The following POU2AF2 variants were observed in gnomAD, a reference collection of about 807,000 sequenced individuals.
POU2AF2 encodes POU class 2 homeobox associating factor 2.
the POU2AF2 span, among the ~76,000 whole-genome samples, chr11:111,253,146 G>T: frequency 1.3e-5 from 2 of 151,836 alleles, no homozygotes; most frequent in African/African-American, 4.8e-5. Context: ...TTCTTCATAG[G>T]GTTCTCCTCT....
the POU2AF2 span, chr11:111,285,592 A>T: frequency 3.2e-6 from 5 of 1,552,062 alleles, no homozygotes; most frequent in Non-Finnish European, 3.5e-6. Flanking sequence ...CTGGCAGCAC[A>T]CAATGTATCA....
chr11:111,278,202 G>A, the POU2AF2 span, among the ~76,000 whole-genome samples: 2 of 152,140 alleles, frequency 1.3e-5, no homozygotes, highest in African/African-American at 2.4e-5. Context: ...CTAAGTGCTC[G>A]ATGTAATAAT....
chr11:111,274,863 C>T, the POU2AF2 span, among the ~76,000 whole-genome samples: 35 of 152,012 alleles, frequency 2.3e-4, no homozygotes, highest in Non-Finnish European at 3.8e-4. Flanking sequence ...CTAATTCCAC[C>T]GACTACCACC....
the POU2AF2 span, among the ~76,000 whole-genome samples, chr11:111,268,467 C>T: frequency 5.6e-3 from 650 of 115,248 alleles, 16 homozygotes; most frequent in South Asian, 0.022. Flanking sequence ...GTTATTGCTA[C>T]ATTTTTCTTT....
At chr11:111,286,343 G>T in the POU2AF2 span, 1 of 295,188 alleles carries the variant, frequency 3.4e-6, no homozygotes, top group Non-Finnish European at 6.1e-6. Flanking sequence ...TGTTATCTTT[G>T]AAGTATCATT....
the POU2AF2 span, among the ~76,000 whole-genome samples, chr11:111,276,454 A>AAAAAAATATATATATG: frequency 5.2e-5 from 1 of 19,070 alleles, no homozygotes; most frequent in Non-Finnish European, 1.2e-4. Context: ...AAAAAAAAAA[A>AAAAAAATATATATATG]TATATATATA....
chr11:111,281,473 C>T, the POU2AF2 span: 12 of 1,608,544 alleles, frequency 7.5e-6, no homozygotes, highest in Middle Eastern at 1.7e-4. Flanking sequence ...CAATTATTCC[C>T]TTTTGAATTT....
At chr11:111,282,847 C>T in the POU2AF2 span, among the ~76,000 whole-genome samples, 12 of 152,132 alleles carry the variant, frequency 7.9e-5, no homozygotes, top group Non-Finnish European at 2.9e-5. Context: ...CCAGCTGGAA[C>T]AATTAAACCA....
chr11:111,262,102 C>A, the POU2AF2 span, among the ~76,000 whole-genome samples: 1 of 152,180 alleles, frequency 6.6e-6, no homozygotes, highest in Non-Finnish European at 1.5e-5. Context: ...TATTTCACTG[C>A]TAAAATCTCT....
chr11:111,265,202 C>A, the POU2AF2 span, among the ~76,000 whole-genome samples: 21 of 152,080 alleles, frequency 1.4e-4, no homozygotes, highest in Non-Finnish European at 2.4e-4. Context: ...GGTTGGGAGG[C>A]CTGCACAATC....
the POU2AF2 span, chr11:111,256,152 C>T: frequency 7.5e-6 from 3 of 398,772 alleles, no homozygotes; most frequent in Non-Finnish European, 1.3e-5. Context: ...CTCCCTTTAT[C>T]CACACACCAA....
At chr11:111,252,284 A>T in the POU2AF2 span, among the ~76,000 whole-genome samples, 1,193 of 152,202 alleles carry the variant, frequency 7.8e-3, 11 homozygotes, top group South Asian at 0.026. Flanking sequence ...ACTCATATGT[A>T]TATCTGTGGT....
chr11:111,260,849 G>A, the POU2AF2 span, among the ~76,000 whole-genome samples: 16 of 152,152 alleles, frequency 1.1e-4, no homozygotes, highest in African/African-American at 3.6e-4. Context: ...TATGTCCCCC[G>A]CCGGATAGGC....
At chr11:111,246,805 T>C in the POU2AF2 span, among the ~76,000 whole-genome samples, 1 of 152,204 alleles carries the variant, frequency 6.6e-6, no homozygotes, top group Non-Finnish European at 1.5e-5. Context: ...TGTCACTTAG[T>C]TACTTTTTTG....
chr11:111,281,525 C>A, the POU2AF2 span: 2 of 1,418,062 alleles, frequency 1.4e-6, no homozygotes, highest in Non-Finnish European at 2.0e-6. Flanking sequence ...AACGACCTTA[C>A]AACACTTCCA....
At chr11:111,280,057 A>AAATATATATATATATATATAT in the POU2AF2 span, among the ~76,000 whole-genome samples, 23 of 76,466 alleles carry the variant, frequency 3.0e-4, no homozygotes, top group Non-Finnish European at 4.3e-4. Context: ...AAAAAAAAAA[A>AAATATATATATATATATATAT]ATATATATAT....
the POU2AF2 span, among the ~76,000 whole-genome samples, chr11:111,260,335 T>TA: frequency 0.087 from 13,202 of 151,164 alleles, 634 homozygotes; most frequent in Middle Eastern, 0.17. Context: ...TGTAATAGGT[T>TA]AAAAAAAAAT....
chr11:111,258,979 G>T, the POU2AF2 span, among the ~76,000 whole-genome samples: 2 of 152,160 alleles, frequency 1.3e-5, no homozygotes, highest in Admixed American at 1.3e-4. Flanking sequence ...TATAGTTTGT[G>T]CCATTGGACA....
At chr11:111,271,472 A>T in the POU2AF2 span, among the ~76,000 whole-genome samples, 1 of 151,534 alleles carries the variant, frequency 6.6e-6, no homozygotes, top group Non-Finnish European at 1.5e-5. Context: ...CCCAGGCTGG[A>T]GTGCAGTGGC....
Sources: allele counts gnomAD v4.1 joint callset (sites outside exome capture counted in the v4.1 genomes callset), GRCh38; gene constraint gnomAD v4.1.1; transcripts MANE v1.5; gene names NCBI Gene and HGNC (gene_info 2026-07-23, HGNC 2026-07-21).